The following HS2ST1 variants were observed in gnomAD, a reference collection of about 807,000 sequenced individuals.
HS2ST1 encodes heparan sulfate 2-O-sulfotransferase 1, also known as 2-O-sulfotransferase.
HS2ST1 carries 18 observed loss-of-function variants against 42.9 expected under a neutral mutation model. The ratio of observed to expected loss-of-function variants is 0.42; its 90% CI spans 0.29 to 0.62. HS2ST1 has a LOEUF of 0.62. Among genes scored for constraint, HS2ST1 ranks in the 20% least tolerant of loss-of-function variants. The pLI, the probability that HS2ST1 is intolerant of heterozygous loss-of-function variation, is 0.21. For missense variants in HS2ST1, 334 were observed against 433.8 expected, an observed-to-expected ratio of 0.77 and a Z score of 2.04; for synonymous variants, 146 against 152.9, an observed-to-expected ratio of 0.95 and a Z score of 0.33.
At chr1:87,065,111 GAA>G (rs1336777845) in intron 1 of HS2ST1, among the ~76,000 whole-genome samples, 4 of 152,224 alleles carry the variant, frequency 2.6e-5, no homozygotes, top group Non-Finnish European at 5.9e-5. Context: ...GCTGAAGCAA[GAA>G]TCAGTTAAAT....
At chr1:86,977,382 T>C in intron 1 of HS2ST1, among the ~76,000 whole-genome samples, 1 of 152,092 alleles carries the variant, frequency 6.6e-6, no homozygotes, top group East Asian at 1.9e-4. Flanking sequence ...CACAAGGGAG[T>C]GAGAAGATTT....
intron 1 of HS2ST1, among the ~76,000 whole-genome samples, chr1:86,971,029 GC>G (rs1421067155): frequency 2.0e-5 from 3 of 152,116 alleles, no homozygotes; most frequent in African/African-American, 7.2e-5. Context: ...TCTGAAATAA[GC>G]TAGGCCAATT....
intron 1 of HS2ST1, among the ~76,000 whole-genome samples, chr1:86,955,522 A>G (rs552590301): frequency 5.3e-5 from 8 of 152,140 alleles, no homozygotes; most frequent in Non-Finnish European, 8.8e-5. Context: ...AGGTTTTTAC[A>G]GTATACCAAG....
intron 1 of HS2ST1, among the ~76,000 whole-genome samples, chr1:86,974,657 C>T (rs926213925): frequency 1.3e-5 from 2 of 152,278 alleles, no homozygotes; most frequent in East Asian, 3.9e-4. Context: ...GGGTTCTGCA[C>T]TAACTCTGAG....
At chr1:87,002,623 A>T (rs1479177955) in intron 1 of HS2ST1, among the ~76,000 whole-genome samples, 5 of 149,896 alleles carry the variant, frequency 3.3e-5, no homozygotes, top group Non-Finnish European at 1.5e-5. Context: ...AAAAAAAAAA[A>T]GAAAAAGAAA....
chr1:86,939,254 C>G (rs1024107342), intron 1 of HS2ST1, among the ~76,000 whole-genome samples: 1 of 152,042 alleles, frequency 6.6e-6, no homozygotes, highest in African/African-American at 2.4e-5. Context: ...TAGAGTAAAG[C>G]TTAGTTGTAG....
In HS2ST1 at chr1:86,981,958, A is replaced by C. The variant is rs12068864; in HGVS notation, c.124+66798A>C. Among the ~76,000 whole-genome samples, 954 of 152,320 alleles carry C rather than the reference A, an allele frequency of 6.3e-3. 14 individuals are homozygous for C. The highest frequency in any genetic ancestry group is 0.022 in the African/African-American group (922 of 41,558). On this transcript the variant is annotated intron_variant, in intron 1 of 6. Transcript: ENST00000370550. ...CATGAGAGCTCTGCCCCTGCAGCAC[A>C]CTTCTGCCTGGCCATCCAAGTGTTT...
intron 1 of HS2ST1, among the ~76,000 whole-genome samples, chr1:86,983,935 G>A (rs1326217819): frequency 6.6e-6 from 1 of 151,936 alleles, no homozygotes; most frequent in Middle Eastern, 3.2e-3. Context: ...AGCTACTTGG[G>A]ATGCTGAGGC....
chr1:87,036,302 G>A (rs867944007), intron 1 of HS2ST1, among the ~76,000 whole-genome samples: 17 of 152,110 alleles, frequency 1.1e-4, no homozygotes, highest in Admixed American at 2.0e-4. Flanking sequence ...TTTATAATCC[G>A]TTGGGTATAT....
At chr1:87,004,899 T>C (rs1365551266) in intron 1 of HS2ST1, among the ~76,000 whole-genome samples, 2 of 152,206 alleles carry the variant, frequency 1.3e-5, no homozygotes. Context: ...AATGGTAACA[T>C]TAGTAAAGGA....
At chr1:86,980,147 G>A (rs1648535927) in intron 1 of HS2ST1, among the ~76,000 whole-genome samples, 1 of 152,190 alleles carries the variant, frequency 6.6e-6, no homozygotes, top group Admixed American at 6.5e-5. Context: ...CTCACTCTAT[G>A]TTGGGCAATG....
At chr1:86,923,298 A>G (rs571539339) in intron 1 of HS2ST1, among the ~76,000 whole-genome samples, 3 of 152,290 alleles carry the variant, frequency 2.0e-5, no homozygotes, top group African/African-American at 4.8e-5. Flanking sequence ...TACAGTTCAC[A>G]TGGCTGGGGA....
rs539977282 is a variant in HS2ST1 at position 86,920,352 on chromosome 1, T to G, written c.124+5192T>G. Among the ~76,000 whole-genome samples the G allele has an allele frequency of 2.0e-5, 3 of 152,360 alleles. No homozygotes were observed. The South Asian group carries it at 6.2e-4, about 32-fold the overall frequency. ...GAATTTGGTAGTTTTTACAAGTAAG[T>G]TCCTGAAACCATGCAGCAATACCTG... On this transcript the variant is annotated intron_variant, in intron 1 of 6. Coordinates refer to ENST00000370550, the MANE Select transcript of HS2ST1 (RefSeq NM_012262.4).
rs546066599 is a variant in HS2ST1 at position 87,013,182 on chromosome 1, C to G, written c.125-59752C>G. ...GTATAGGGGCTCCCACAGAGCATTTCCCTTCCACAGTGCCCTAGCAGAGGT... is the reference window on the plus strand; with the variant it reads ...GTATAGGGGCTCCCACAGAGCATTTGCCTTCCACAGTGCCCTAGCAGAGGT... On this transcript the variant is annotated intron_variant, in intron 1 of 6. Transcript: ENST00000370550. 2.0e-5 allele frequency among the ~76,000 whole-genome samples: 3 copies of G among 152,348 alleles called. No individual in the cohort carries two copies. The East Asian group carries it at 5.8e-4, about 29-fold the overall frequency.
rs766009033 is a variant in HS2ST1, at chr1:86,915,328, GT to G, written c.124+170del. On this transcript the variant is annotated intron_variant, in intron 1 of 6. Transcript: ENST00000370550. ...GCGAGAGCACGAGCTCCAAGAATGG[GT>G]TGAATTAAGCTTGAGCGGCGTGCTG... Among the ~76,000 whole-genome samples the G allele has an allele frequency of 2.6e-5, 4 of 152,320 alleles. No individual in the cohort carries two copies. In the South Asian group the frequency reaches 8.3e-4, roughly 32 times the overall value.
intron 2 of HS2ST1, among the ~76,000 whole-genome samples, chr1:87,077,040 A>C (rs949679026): frequency 1.3e-5 from 2 of 152,178 alleles, no homozygotes; most frequent in African/African-American, 4.8e-5. Context: ...CACTGGTTAA[A>C]ATGCAGATTC....
At chr1:87,036,949 C>T (rs1350457401) in intron 1 of HS2ST1, among the ~76,000 whole-genome samples, 1 of 152,158 alleles carries the variant, frequency 6.6e-6, no homozygotes, top group Admixed American at 6.5e-5. Flanking sequence ...ATATCTGGAA[C>T]ATTCACTTGC....
At chr1:86,966,250 C>T (rs1331179494) in intron 1 of HS2ST1, among the ~76,000 whole-genome samples, 3 of 152,238 alleles carry the variant, frequency 2.0e-5, no homozygotes, top group Non-Finnish European at 4.4e-5. Context: ...GGAGAGGTTT[C>T]TGTTTTTTTG....
chr1:87,039,277 A>G (rs542802885), intron 1 of HS2ST1, among the ~76,000 whole-genome samples: 1 of 152,308 alleles, frequency 6.6e-6, no homozygotes, highest in East Asian at 1.9e-4. Flanking sequence ...ACCACCAGCC[A>G]ATGCTACCTC....
Sources: allele counts gnomAD v4.1 joint callset (sites outside exome capture counted in the v4.1 genomes callset), GRCh38; gene constraint gnomAD v4.1.1; transcripts MANE v1.5; gene names NCBI Gene and HGNC (gene_info 2026-07-23, HGNC 2026-07-21).